The following SDHB variants were observed in gnomAD, a reference collection of about 807,000 sequenced individuals.
SDHB encodes succinate dehydrogenase complex iron sulfur subunit B.
SDHB carries 21 observed loss-of-function variants against 39.7 expected under a neutral mutation model. The ratio of observed to expected loss-of-function variants is 0.53; its 90% confidence interval spans 0.37 to 0.76. The LOEUF is 0.76. Ranked by LOEUF, SDHB falls within the 30% of genes least tolerant of loss-of-function variation. SDHB has a pLI of 0.00. For missense variants in SDHB, 343 were observed against 350.9 expected, an observed-to-expected ratio of 0.98 and a Z score of 0.18; for synonymous variants, 118 against 117.0, an observed-to-expected ratio of 1.01 and a Z score of -0.06.
chr1:17,024,667 T>C (rs2101517577), intron 5 of SDHB, among the ~76,000 whole-genome samples: 1 of 152,344 alleles, frequency 6.6e-6, no homozygotes, highest in African/African-American at 2.4e-5. Flanking sequence ...AGTTAGGCCA[T>C]GTGCCCAGGG....
At chr1:17,042,954 G>GTTTTTTTTTTTTTTTTTTT (rs143394198) in intron 2 of SDHB, among the ~76,000 whole-genome samples, 6 of 62,892 alleles carry the variant, frequency 9.5e-5, no homozygotes, top group East Asian at 5.9e-4. Flanking sequence ...TGTTTTATGA[G>GTTTTTTTTTTTTTTTTTTT]TTTTTTTTTT....
chr1:17,019,037 C>T (rs994761150), intron 7 of SDHB, 79 bp from the exon 8 acceptor site: 6 of 1,093,338 alleles, frequency 5.5e-6, no homozygotes, highest in Non-Finnish European at 8.4e-6. Context: ...GGTGAAACTC[C>T]TTCCTCAGCT....
chr1:17,050,093 C>T (rs1197721838), intron 1 of SDHB, among the ~76,000 whole-genome samples: 1 of 152,116 alleles, frequency 6.6e-6, no homozygotes, highest in Non-Finnish European at 1.5e-5. Context: ...TTCTTTATAA[C>T]ATTTAAATAT....
At chr1:17,019,694 AAG>A (rs1417383500) in intron 7 of SDHB, among the ~76,000 whole-genome samples, 1 of 152,164 alleles carries the variant, frequency 6.6e-6, no homozygotes, top group African/African-American at 2.4e-5. Flanking sequence ...TGTGGAAAGA[AAG>A]AAGAAAAGGA....
intron 2 of SDHB, among the ~76,000 whole-genome samples, chr1:17,041,557 G>A (rs12737199): frequency 0.42 from 63,924 of 151,870 alleles, 15,108 homozygotes; most frequent in Non-Finnish European, 0.54. Flanking sequence ...AGCTACTCAG[G>A]AGGCTGAGGC....
chr1:17,021,682 T>C (rs2077962781), intron 7 of SDHB, among the ~76,000 whole-genome samples: 1 of 149,692 alleles, frequency 6.7e-6, no homozygotes, highest in Non-Finnish European at 1.5e-5. Context: ...GAGGCGGAGG[T>C]TGTGGTGAGC....
At chr1:17,034,117 C>T (rs1049828982) in intron 2 of SDHB, among the ~76,000 whole-genome samples, 2 of 151,814 alleles carry the variant, frequency 1.3e-5, no homozygotes, top group Non-Finnish European at 2.9e-5. Flanking sequence ...CTTAAAAATA[C>T]GTCATTTCCT....
intron 3 of SDHB, 148 bp downstream of exon 3, chr1:17,032,912 T>A: frequency 1.4e-6 from 1 of 711,588 alleles, no homozygotes; most frequent in Non-Finnish European, 2.6e-6. Context: ...TTGGATGCAT[T>A]TACCCAAGAA....
At chr1:17,039,029 T>C (rs573771852) in intron 2 of SDHB, among the ~76,000 whole-genome samples, 1 of 152,248 alleles carries the variant, frequency 6.6e-6, no homozygotes, top group East Asian at 1.9e-4. Context: ...CAGCATATGG[T>C]TGGGTTTTGC....
intron 1 of SDHB, among the ~76,000 whole-genome samples, chr1:17,047,630 C>A (rs1183802835): frequency 6.6e-6 from 1 of 150,438 alleles, no homozygotes; most frequent in African/African-American, 2.5e-5. Context: ...TTGCAGTGAG[C>A]TAAGACTGTG....
chr1:17,029,617 T>A (rs1256961121), intron 3 of SDHB, among the ~76,000 whole-genome samples: 1 of 152,120 alleles, frequency 6.6e-6, no homozygotes, highest in Non-Finnish European at 1.5e-5. Flanking sequence ...GCCACTGTTA[T>A]TTGAACACAA....
In SDHB at chr1:17,023,362, A is replaced by G. The variant is rs544312031; in HGVS notation, c.642+611T>C. 1.8e-4 allele frequency among the ~76,000 whole-genome samples: 27 copies of G among 152,354 alleles called. 1 individual carries two copies. The South Asian group carries it at 5.6e-3, about 32-fold the overall frequency. On this transcript the variant is annotated intron_variant, in intron 6 of 7. Transcript: ENST00000375499. ...AATCTTCACATGGCTGGGAATCAATATTGCTCATGTGGTCACACAAACCTG... is the reference window on the plus strand; with the variant it reads ...AATCTTCACATGGCTGGGAATCAATGTTGCTCATGTGGTCACACAAACCTG...
In SDHB at chr1:17,028,601, G is replaced by A. The variant is rs1553177734; in HGVS notation, c.422C>T (p.Pro141Leu). The A allele has an allele frequency of 1.2e-6, 2 of 1,614,082 alleles. No individual in the cohort carries two copies. The highest frequency in any genetic ancestry group is 2.2e-5 in the East Asian group (1 of 44,890). ...AACCAGAGAGATGCAGAAACTCACG[G>A]GAACAAGATCCTTTATCACATACAT... ...PHMYVIKDLV[P>L]DLSNFYAQYK... The change falls in exon 4 of 8, where the codon CCC becomes CTC. Residue 141 changes from proline (P) to leucine (L), a missense_variant and splice_region_variant. Transcript: ENST00000375499.
At chr1:17,053,901 C>A (rs756218499) in intron 1 of SDHB, 47 bp downstream of exon 1, 1 of 1,431,742 alleles carries the variant, frequency 7.0e-7, no homozygotes, top group South Asian at 1.2e-5. Context: ...TCCAGGCAGT[C>A]TCTGTGGCTT....
chr1:17,024,917 G>A (rs1280674229), intron 5 of SDHB, among the ~76,000 whole-genome samples: 2 of 152,232 alleles, frequency 1.3e-5, no homozygotes, highest in Non-Finnish European at 2.9e-5. Context: ...ATTGAACCAT[G>A]AGTCTTCAAC....
intron 1 of SDHB, among the ~76,000 whole-genome samples, chr1:17,047,116 G>C (rs1056987461): frequency 6.6e-6 from 1 of 152,184 alleles, no homozygotes; most frequent in African/African-American, 2.4e-5. Context: ...AGTACTTTGG[G>C]AGGCCAAGAC....
intron 2 of SDHB, among the ~76,000 whole-genome samples, chr1:17,039,461 C>T (rs1487528424): frequency 6.7e-6 from 1 of 149,192 alleles, no homozygotes; most frequent in Non-Finnish European, 1.5e-5. Context: ...GTGGTACATG[C>T]CTGTAGTCCC....
chr1:17,027,757 C>G lies in SDHB; in HGVS notation c.532G>C (p.Glu178Gln), dbSNP rs2077999285. The G allele has an allele frequency of 1.3e-6, 2 of 1,580,310 alleles. No homozygotes were observed. Among genetic ancestry groups the G allele is most frequent in the Non-Finnish European group, 1.7e-6 (2 of 1,149,362 alleles). The change falls in exon 5 of 8, where the codon GAG (glutamate) becomes CAG (glutamine). Residue 178 changes from glutamate (E) to glutamine (Q), a missense_variant. Coordinates refer to ENST00000375499, the MANE Select transcript of SDHB (RefSeq NM_003000.3). ...QQYLQSIEEREKLDGLYECIL... is the reference protein window; with the variant it reads ...QQYLQSIEERQKLDGLYECIL... ...AAATAGGGACTAATGACCAGTTTCT[C>G]ACGCTCTTCTATGGACTGCAGATAC...
In SDHB at chr1:17,033,788, A is replaced by C. The variant is rs149983916; in HGVS notation, c.201-643T>G. 2.0e-5 allele frequency among the ~76,000 whole-genome samples: 3 copies of C among 152,360 alleles called. No homozygotes were observed. In the East Asian group the frequency reaches 5.8e-4, roughly 29 times the overall value. ...GGCATTTAATCCACTGAGTGCAGAG[A>C]GCAGCACCTGCATCCCACAGGATTG... On this transcript the variant is annotated intron_variant, in intron 2 of 7. Transcript: ENST00000375499.
Sources: allele counts gnomAD v4.1 joint callset (sites outside exome capture counted in the v4.1 genomes callset), GRCh38; gene constraint gnomAD v4.1.1; transcripts MANE v1.5; gene names NCBI Gene and HGNC (gene_info 2026-07-23, HGNC 2026-07-21).